IFT25: variants seen among roughly 807,000 people sequenced by gnomAD.
The protein encoded by IFT25 is intraflagellar transport 25.
chr1:53,926,150 T>C, the IFT25 span, among the ~76,000 whole-genome samples: 1 of 151,940 alleles, frequency 6.6e-6, no homozygotes, highest in Non-Finnish European at 1.5e-5. Context: ...CTCTAAATAC[T>C]TTTTTGTTCT....
the IFT25 span, among the ~76,000 whole-genome samples, chr1:53,914,975 G>A: frequency 6.6e-6 from 1 of 152,054 alleles, no homozygotes; most frequent in Non-Finnish European, 1.5e-5. Context: ...TTTATCCATC[G>A]CTTTAAATAA....
the IFT25 span, among the ~76,000 whole-genome samples, chr1:53,925,784 G>T: frequency 9.9e-5 from 15 of 151,914 alleles, no homozygotes; most frequent in Non-Finnish European, 1.2e-4. Flanking sequence ...CATCATAGTG[G>T]ATTTATCAAT....
chr1:53,914,064 C>T, the IFT25 span, among the ~76,000 whole-genome samples: 6 of 152,230 alleles, frequency 3.9e-5, no homozygotes, highest in African/African-American at 7.2e-5. Context: ...TCTGGTGTAT[C>T]CTGCCTGATT....
At chr1:53,941,156 A>G in the IFT25 span, among the ~76,000 whole-genome samples, 1 of 151,880 alleles carries the variant, frequency 6.6e-6, no homozygotes, top group African/African-American at 2.4e-5. Context: ...CACCACGCCC[A>G]GCTAATTTTT....
the IFT25 span, among the ~76,000 whole-genome samples, chr1:53,942,115 G>A: frequency 1.9e-3 from 288 of 152,280 alleles, 1 homozygote; most frequent in African/African-American, 6.7e-3. Flanking sequence ...TGGGATGTCA[G>A]CTGATATGCT....
chr1:53,922,240 C>T, the IFT25 span, among the ~76,000 whole-genome samples: 3 of 152,000 alleles, frequency 2.0e-5, no homozygotes, highest in Non-Finnish European at 4.4e-5. Context: ...ACTAAAAATA[C>T]GAAATTAGCT....
chr1:53,940,106 T>C, the IFT25 span: 6 of 1,365,832 alleles, frequency 4.4e-6, no homozygotes, highest in Non-Finnish European at 6.1e-6. Context: ...ACCTGCAAAT[T>C]AAAAAATAAC....
the IFT25 span, among the ~76,000 whole-genome samples, chr1:53,925,399 A>G: frequency 6.6e-6 from 1 of 152,054 alleles, no homozygotes; most frequent in East Asian, 1.9e-4. Context: ...GGTGGCTCAC[A>G]CCTGTAATCC....
At chr1:53,921,323 CATCA>C in the IFT25 span, among the ~76,000 whole-genome samples, 4 of 152,146 alleles carry the variant, frequency 2.6e-5, no homozygotes, top group South Asian at 2.1e-4. Flanking sequence ...TAGTCCTTTG[CATCA>C]ATCAATCAAT....
At chr1:53,939,074 CAAAAAA>C in the IFT25 span, among the ~76,000 whole-genome samples, 1 of 22,558 alleles carries the variant, frequency 4.4e-5, no homozygotes, top group Non-Finnish European at 9.6e-5. Context: ...AACTCCGTCT[CAAAAAA>C]AAAAAAAAAA....
the IFT25 span, among the ~76,000 whole-genome samples, chr1:53,930,301 A>C: frequency 2.0e-5 from 3 of 152,290 alleles, no homozygotes; most frequent in African/African-American, 7.2e-5. Context: ...AACTTTAATA[A>C]TTCTTCTTTA....
the IFT25 span, among the ~76,000 whole-genome samples, chr1:53,931,564 C>G: frequency 2.6e-5 from 4 of 152,272 alleles, no homozygotes; most frequent in East Asian, 7.7e-4. Flanking sequence ...ATGAGGCTGT[C>G]CAGAATTTCC....
chr1:53,921,565 T>C, the IFT25 span: 1 of 803,032 alleles, frequency 1.2e-6, no homozygotes. Flanking sequence ...AACAAATTGA[T>C]AAAAATCCTT....
the IFT25 span, among the ~76,000 whole-genome samples, chr1:53,919,290 T>C: frequency 6.6e-6 from 1 of 152,344 alleles, no homozygotes; most frequent in South Asian, 2.1e-4. Flanking sequence ...TATTTAGAGA[T>C]AGCAGAAGAA....
chr1:53,917,948 T>C, the IFT25 span, among the ~76,000 whole-genome samples: 1 of 152,218 alleles, frequency 6.6e-6, no homozygotes. Context: ...AGCAGGCCCC[T>C]TTCCTTAATT....
At chr1:53,934,028 C>G in the IFT25 span, among the ~76,000 whole-genome samples, 2 of 151,794 alleles carry the variant, frequency 1.3e-5, no homozygotes, top group African/African-American at 4.8e-5. Flanking sequence ...ATTAAGTGGT[C>G]AGTTATCTTT....
chr1:53,912,471 T>C, the IFT25 span, among the ~76,000 whole-genome samples: 719 of 152,234 alleles, frequency 4.7e-3, 4 homozygotes, highest in Non-Finnish European at 8.0e-3. Context: ...AGGTGGAGTA[T>C]ATGTTAGAGT....
At chr1:53,925,974 C>T in the IFT25 span, among the ~76,000 whole-genome samples, 4 of 150,552 alleles carry the variant, frequency 2.7e-5, no homozygotes, top group Non-Finnish European at 4.4e-5. Context: ...ACGTGGTGCA[C>T]GCCTGTAATT....
the IFT25 span, among the ~76,000 whole-genome samples, chr1:53,941,625 C>A: frequency 6.6e-6 from 1 of 152,012 alleles, no homozygotes; most frequent in African/African-American, 2.4e-5. Flanking sequence ...CATTGTCAAG[C>A]CTTAGTTTTA....
Sources: gnomAD v4.1 joint callset for allele counts (sites outside exome capture counted in the v4.1 genomes callset) on GRCh38, gnomAD v4.1.1 for gene constraint, MANE v1.5 for transcripts, NCBI Gene and HGNC (gene_info 2026-07-23, HGNC 2026-07-21) for gene names.